The following MDGA2 variants were observed in gnomAD, a reference collection of about 807,000 sequenced individuals.
MDGA2 encodes the protein MAM domain containing glycosylphosphatidylinositol anchor 2.
A neutral mutation model predicts 117.8 loss-of-function variants in MDGA2; 40 were observed. The ratio of observed to expected loss-of-function variants is 0.34; its 90% CI spans 0.26 to 0.44. The LOEUF (loss-of-function observed/expected upper bound fraction) is 0.44. Among genes scored for constraint, MDGA2 ranks in the 20% least tolerant of loss-of-function variants. The probability of loss-of-function intolerance (pLI) is 1.00; values close to 1 mark genes in which losing one functional copy is unlikely to be tolerated. For missense variants in MDGA2, 1,123 were observed against 1,250.6 expected, an observed-to-expected ratio of 0.90 and a Z score of 1.54; for synonymous variants, 452 against 439.0, an observed-to-expected ratio of 1.03 and a Z score of -0.37.
rs923796163 is a variant in MDGA2 at position 47,169,452 on chromosome 14, T to C, written c.596-25178A>G. 3.3e-5 allele frequency among the ~76,000 whole-genome samples: 5 copies of C among 151,884 alleles called. No individual in the cohort carries two copies. In the East Asian group the frequency reaches 9.6e-4, roughly 29 times the overall value. On this transcript the variant is annotated intron_variant, in intron 3 of 16. Coordinates refer to ENST00000399232, the MANE Select transcript of MDGA2 (RefSeq NM_001113498.3). ...CCAATATGTAGTGTGTCAGATATAA[T>C]TGTAACTATAACTTCTCAAAATATA...
intron 1 of MDGA2, among the ~76,000 whole-genome samples, chr14:47,488,168 G>T (rs1894098425): frequency 6.6e-6 from 1 of 151,922 alleles, no homozygotes; most frequent in African/African-American, 2.4e-5. Flanking sequence ...CCCTATAAGG[G>T]GTATTGTCAG....
At chr14:47,013,237 G>A (rs974481372) in intron 8 of MDGA2, among the ~76,000 whole-genome samples, 1 of 152,102 alleles carries the variant, frequency 6.6e-6, no homozygotes, top group Non-Finnish European at 1.5e-5. Context: ...CTTAATCAAC[G>A]AAGTTTGTAA....
At chr14:47,385,283 T>C (rs1891731852) in intron 1 of MDGA2, among the ~76,000 whole-genome samples, 1 of 152,040 alleles carries the variant, frequency 6.6e-6, no homozygotes, top group African/African-American at 2.4e-5. Flanking sequence ...ACAAAATTCA[T>C]TATGAAGGCT....
intron 5 of MDGA2, among the ~76,000 whole-genome samples, chr14:47,118,395 T>C (rs565236138): frequency 6.6e-6 from 1 of 152,312 alleles, no homozygotes; most frequent in South Asian, 2.1e-4. Flanking sequence ...CAAAACCTTT[T>C]AATACTATTT....
Position 46,957,476 on chromosome 14 carries a change from T to C in MDGA2, c.1987A>G (p.Thr663Ala). 3 of 1,614,148 alleles carry C rather than the reference T, an allele frequency of 1.9e-6. No individual in the cohort carries two copies. The highest frequency in any genetic ancestry group is 2.2e-5 in the East Asian group (1 of 44,864). Residue 663 changes from threonine (T) to alanine (A), a missense_variant, in exon 9 of 17, where the codon ACA becomes GCA. Thr to Ala is a moderately conservative substitution (Grantham distance 58). Coordinates refer to ENST00000399232, the MANE Select transcript of MDGA2 (RefSeq NM_001113498.3). The stretch of plus-strand genomic sequence containing the variant: ...GAAAGACTCTTCACAGCGTACTCTG[T>C]GTATTCCTGAGAGTCAAATTGACCC... The part of the protein sequence containing the change: ...RTGQFDSQEY[T>A]EYAVKSLSNE...
At chr14:46,926,874 A>C (rs1222251843) in intron 9 of MDGA2, among the ~76,000 whole-genome samples, 1 of 152,180 alleles carries the variant, frequency 6.6e-6, no homozygotes, top group Non-Finnish European at 1.5e-5. Context: ...ATAAAAAAAA[A>C]GATATGTGAT....
intron 9 of MDGA2, among the ~76,000 whole-genome samples, chr14:46,933,446 T>C (rs889979706): frequency 6.6e-6 from 1 of 151,902 alleles, no homozygotes; most frequent in Non-Finnish European, 1.5e-5. Flanking sequence ...ACACAAATTA[T>C]TATTTTTAAA....
At chr14:47,314,029 A>G (rs1566734427) in intron 1 of MDGA2, among the ~76,000 whole-genome samples, 1 of 152,160 alleles carries the variant, frequency 6.6e-6, no homozygotes, top group Non-Finnish European at 1.5e-5. Context: ...AAATATTGAC[A>G]TTATTTGATT....
chr14:47,139,790 A>ATG (rs199777916), intron 4 of MDGA2, among the ~76,000 whole-genome samples: 2,405 of 86,018 alleles, frequency 0.028, 34 homozygotes, highest in Middle Eastern at 0.051. Context: ...ACAAATATAT[A>ATG]TGTGTATATA....
chr14:46,894,982 A>C (rs878951533), intron 10 of MDGA2, among the ~76,000 whole-genome samples: 1 of 152,226 alleles, frequency 6.6e-6, no homozygotes, highest in Non-Finnish European at 1.5e-5. Flanking sequence ...ATAAATTGGA[A>C]TTAAGCAGCT....
At chr14:47,100,656 G>A (rs1414058920) in intron 5 of MDGA2, among the ~76,000 whole-genome samples, 4 of 151,978 alleles carry the variant, frequency 2.6e-5, no homozygotes, top group Admixed American at 1.3e-4. Context: ...AGGAAACACT[G>A]GATGAGACAG....
At chr14:47,155,399 C>T (rs563944816) in intron 3 of MDGA2, among the ~76,000 whole-genome samples, 1 of 152,038 alleles carries the variant, frequency 6.6e-6, no homozygotes, top group African/African-American at 2.4e-5. Context: ...CATGGTCCTT[C>T]GGGAAACCCA....
chr14:47,298,687 T>TC (rs1555371238), intron 2 of MDGA2, among the ~76,000 whole-genome samples: 36 of 125,198 alleles, frequency 2.9e-4, no homozygotes, highest in Admixed American at 1.7e-3. Flanking sequence ...ATTTTTCTTT[T>TC]TTTTTTTTTT....
intron 8 of MDGA2, among the ~76,000 whole-genome samples, chr14:47,021,244 T>C (rs1340192274): frequency 1.3e-5 from 2 of 152,188 alleles, no homozygotes; most frequent in Non-Finnish European, 2.9e-5. Context: ...AAATAACATA[T>C]GTTTAGATGC....
chr14:47,452,137 GCT>G (rs1274966322), intron 1 of MDGA2, among the ~76,000 whole-genome samples: 1 of 152,010 alleles, frequency 6.6e-6, no homozygotes. Flanking sequence ...TAACAAGCAG[GCT>G]ATCACACATG....
At chr14:47,200,998 A>G in intron 3 of MDGA2, 8 of 853,664 alleles carry the variant, frequency 9.4e-6, no homozygotes, top group South Asian at 9.2e-5. Flanking sequence ...TTCGCAGCAT[A>G]CGACCACCAC....
chr14:46,864,981 T>G (rs1424297006), intron 14 of MDGA2, among the ~76,000 whole-genome samples: 2 of 151,990 alleles, frequency 1.3e-5, no homozygotes, highest in African/African-American at 4.8e-5. Context: ...TGGCTCCTTA[T>G]CTTAACATTC....
chr14:47,519,016 A>G (rs1435854778), intron 1 of MDGA2, among the ~76,000 whole-genome samples: 1 of 151,972 alleles, frequency 6.6e-6, no homozygotes, highest in African/African-American at 2.4e-5. Context: ...TCAAACTGGC[A>G]AACATGGTGA....
At chr14:47,605,766 C>T (rs1272551758) in intron 1 of MDGA2, among the ~76,000 whole-genome samples, 1 of 152,126 alleles carries the variant, frequency 6.6e-6, no homozygotes, top group Non-Finnish European at 1.5e-5. Flanking sequence ...TTTGATTTTA[C>T]AGTAGGTTTT....
Sources: gnomAD v4.1 joint callset for allele counts (sites outside exome capture counted in the v4.1 genomes callset) on GRCh38, gnomAD v4.1.1 for gene constraint, MANE v1.5 for transcripts, NCBI Gene and HGNC (gene_info 2026-07-23, HGNC 2026-07-21) for gene names.